The following EXOC6B variants were observed in gnomAD, a reference collection of about 807,000 sequenced individuals.
The protein encoded by EXOC6B is SEC15 homolog B.
Under a neutral mutation model 113.5 loss-of-function variants are expected in EXOC6B, and 54 were observed. The ratio of observed to expected loss-of-function variants is 0.48; its 90% CI spans 0.38 to 0.60. The LOEUF (loss-of-function observed/expected upper bound fraction) is 0.60, where lower values mean the gene tolerates loss of function less well. Among genes scored for constraint, EXOC6B ranks in the 20% least tolerant of loss-of-function variants. The pLI, the probability that EXOC6B is intolerant of heterozygous loss-of-function variation, is 0.00. For missense variants in EXOC6B, 797 were observed against 977.5 expected, an observed-to-expected ratio of 0.82 and a Z score of 2.46; for synonymous variants, 357 against 339.0, an observed-to-expected ratio of 1.05 and a Z score of -0.58.
intron 1 of EXOC6B, among the ~76,000 whole-genome samples, chr2:72,796,623 C>G (rs1009451825): frequency 6.6e-6 from 1 of 152,094 alleles, no homozygotes; most frequent in Non-Finnish European, 1.5e-5. Flanking sequence ...TGAATCTCTT[C>G]GCCTCCACTT....
At chr2:72,296,806 T>C (rs1253480321) in intron 20 of EXOC6B, among the ~76,000 whole-genome samples, 1 of 152,194 alleles carries the variant, frequency 6.6e-6, no homozygotes, top group East Asian at 1.9e-4. Context: ...TTTTCCTCAG[T>C]TTCTAATCAT....
At chr2:72,192,945 C>T (rs1337276375) in intron 20 of EXOC6B, among the ~76,000 whole-genome samples, 1 of 152,134 alleles carries the variant, frequency 6.6e-6, no homozygotes, top group Non-Finnish European at 1.5e-5. Flanking sequence ...AAGAAAAATT[C>T]TAAAAATTCT....
intron 14 of EXOC6B, 127 bp downstream of exon 14, chr2:72,496,327 C>A (rs1700031801): frequency 1.8e-5 from 10 of 567,092 alleles, no homozygotes; most frequent in East Asian, 3.0e-5. Flanking sequence ...AAAAAGAATC[C>A]TTTGAAATTG....
chr2:72,631,617 A>G (rs1672477579), intron 6 of EXOC6B, among the ~76,000 whole-genome samples: 2 of 151,408 alleles, frequency 1.3e-5, no homozygotes. Context: ...TGCTCCGCCT[A>G]CCTCAGCCTT....
At chr2:72,540,509 T>C (rs1323661122) in intron 8 of EXOC6B, among the ~76,000 whole-genome samples, 1 of 152,246 alleles carries the variant, frequency 6.6e-6, no homozygotes, top group East Asian at 1.9e-4. Flanking sequence ...TATTTATTCC[T>C]AAACACTGCA....
intron 6 of EXOC6B, among the ~76,000 whole-genome samples, chr2:72,582,804 G>T (rs868025982): frequency 6.6e-6 from 1 of 152,142 alleles, no homozygotes; most frequent in Non-Finnish European, 1.5e-5. Flanking sequence ...TAGGGTTGGG[G>T]AGTGATGGGT....
At chr2:72,775,976 A>C (rs1683678489) in intron 1 of EXOC6B, among the ~76,000 whole-genome samples, 1 of 152,202 alleles carries the variant, frequency 6.6e-6, no homozygotes, top group South Asian at 2.1e-4. Flanking sequence ...ATATTATAGC[A>C]TTGTTTTGCA....
chr2:72,482,940 A>T (rs767569402), intron 16 of EXOC6B, among the ~76,000 whole-genome samples: 3 of 152,242 alleles, frequency 2.0e-5, no homozygotes, highest in Non-Finnish European at 4.4e-5. Flanking sequence ...CAACACTGGG[A>T]CTAGATCTCT....
chr2:72,782,417 C>A (rs562740593), intron 1 of EXOC6B, among the ~76,000 whole-genome samples: 119 of 152,066 alleles, frequency 7.8e-4, no homozygotes, highest in Middle Eastern at 6.8e-3. Flanking sequence ...AAAATTTATG[C>A]ATCTTTGTGG....
intron 20 of EXOC6B, among the ~76,000 whole-genome samples, chr2:72,322,726 A>G (rs1687905336): frequency 6.6e-6 from 1 of 152,184 alleles, no homozygotes; most frequent in African/African-American, 2.4e-5. Context: ...CCTGACACAA[A>G]CAAGCAATGG....
chr2:72,179,748 C>T (rs1677968520), intron 21 of EXOC6B, among the ~76,000 whole-genome samples: 1 of 152,122 alleles, frequency 6.6e-6, no homozygotes, highest in Non-Finnish European at 1.5e-5. Context: ...TCATTCTCTT[C>T]TCTCAGCAGG....
chr2:72,734,903 C>G (rs774259019), intron 2 of EXOC6B, among the ~76,000 whole-genome samples: 13 of 152,164 alleles, frequency 8.5e-5, no homozygotes, highest in Non-Finnish European at 1.8e-4. Context: ...TACCTGGACC[C>G]TATATACTAT....
At chr2:72,362,626 C>A (rs964420214) in intron 19 of EXOC6B, among the ~76,000 whole-genome samples, 1 of 152,070 alleles carries the variant, frequency 6.6e-6, no homozygotes, top group African/African-American at 2.4e-5. Context: ...GATTCATTCA[C>A]CCTCGTGGCT....
intron 3 of EXOC6B, among the ~76,000 whole-genome samples, chr2:72,732,824 A>G: frequency 6.6e-6 from 1 of 152,152 alleles, no homozygotes; most frequent in Non-Finnish European, 1.5e-5. Context: ...CAGGCAGAGG[A>G]AGAGCATTAC....
rs116288750 is a variant in EXOC6B, at chr2:72,821,388, T to C, written c.113+4410A>G. Among the ~76,000 whole-genome samples the C allele has an allele frequency of 5.3e-3, 806 of 152,220 alleles. 10 individuals are homozygous for C. The highest frequency in any genetic ancestry group is 0.019 in the African/African-American group (770 of 41,556). Reference sequence around the variant, plus strand: ...TGCTACAGGAATGTAAAATGGCGCATGCACTTTGGAAAAACAGTCTAGCAG... The same window carrying C: ...TGCTACAGGAATGTAAAATGGCGCACGCACTTTGGAAAAACAGTCTAGCAG... On this transcript the variant is annotated intron_variant, in intron 1 of 21. Coordinates refer to ENST00000272427, the MANE Select transcript of EXOC6B (RefSeq NM_015189.3).
intron 6 of EXOC6B, among the ~76,000 whole-genome samples, chr2:72,584,395 C>T (rs138083460): frequency 2.1e-4 from 32 of 152,116 alleles, no homozygotes; most frequent in South Asian, 4.1e-4. Context: ...TTTAAGCCAA[C>T]AACTATAAAA....
intron 1 of EXOC6B, among the ~76,000 whole-genome samples, chr2:72,792,034 T>C (rs1684697328): frequency 6.6e-6 from 1 of 152,250 alleles, no homozygotes; most frequent in African/African-American, 2.4e-5. Flanking sequence ...TTCTGTTGCC[T>C]AGCTATGGAA....
chr2:72,316,641 C>G (rs1008031357), intron 20 of EXOC6B, among the ~76,000 whole-genome samples: 1 of 152,192 alleles, frequency 6.6e-6, no homozygotes, highest in Admixed American at 6.5e-5. Context: ...TCAATACATT[C>G]AGCAAGCAAT....
intron 18 of EXOC6B, among the ~76,000 whole-genome samples, chr2:72,426,491 A>T (rs571512149): frequency 1.3e-5 from 2 of 152,234 alleles, no homozygotes; most frequent in South Asian, 4.1e-4. Flanking sequence ...GTTGACATTT[A>T]TATTATAAGA....
Sources: gnomAD v4.1 joint callset for allele counts (sites outside exome capture counted in the v4.1 genomes callset) on GRCh38, gnomAD v4.1.1 for gene constraint, MANE v1.5 for transcripts, NCBI Gene and HGNC (gene_info 2026-07-23, HGNC 2026-07-21) for gene names.